ZNF385B: variants seen among roughly 807,000 people sequenced by gnomAD.
ZNF385B encodes zinc finger protein 385B.
In ZNF385B, 23 loss-of-function variants were observed where a neutral mutation model predicts 39.2. The observed-to-expected ratio is 0.59, with a 90% CI of 0.42 to 0.83. The LOEUF (loss-of-function observed/expected upper bound fraction) is 0.83, where lower values mean the gene tolerates loss of function less well. Among genes scored for constraint, ZNF385B ranks in the 40% least tolerant of loss-of-function variants. The probability of loss-of-function intolerance (pLI) is 0.00; values close to 1 mark genes in which losing one functional copy is unlikely to be tolerated. For missense variants in ZNF385B, 552 were observed against 598.9 expected, an observed-to-expected ratio of 0.92 and a Z score of 0.82; for synonymous variants, 205 against 222.6, an observed-to-expected ratio of 0.92 and a Z score of 0.70.
intron 3 of ZNF385B, among the ~76,000 whole-genome samples, chr2:179,600,252 T>C (rs1168050525): frequency 6.6e-6 from 1 of 152,208 alleles, no homozygotes; most frequent in Non-Finnish European, 1.5e-5. Flanking sequence ...ATAATCTGAA[T>C]TGCAACAATG....
chr2:179,760,939 GTTTA>G (rs57944209), intron 3 of ZNF385B, among the ~76,000 whole-genome samples: 16,645 of 152,136 alleles, frequency 0.11, 1,526 homozygotes, highest in East Asian at 0.48. Context: ...TTAGGCCTAA[GTTTA>G]TTTGTTTTGT....
At chr2:179,822,196 T>C (rs1212286606) in intron 1 of ZNF385B, among the ~76,000 whole-genome samples, 1 of 152,232 alleles carries the variant, frequency 6.6e-6, no homozygotes, top group Non-Finnish European at 1.5e-5. Flanking sequence ...TTTGTCCTTC[T>C]TTTTCTTAGC....
In ZNF385B at chr2:179,663,278, A is replaced by G. The variant is rs142777200; in HGVS notation, c.298+106225T>C. Among the ~76,000 whole-genome samples, 815 of 152,256 alleles carry G rather than the reference A, an allele frequency of 5.4e-3. 5 individuals carry two copies. Among genetic ancestry groups the G allele is most frequent in the African/African-American group, 0.019 (773 of 41,540 alleles). Reference sequence around the variant, plus strand: ...TTGCTTAACTGAATTTTAATTCTTCATTTATGTTTAGTGTATTATCAGTCA... The same window carrying G: ...TTGCTTAACTGAATTTTAATTCTTCGTTTATGTTTAGTGTATTATCAGTCA... On this transcript the variant is annotated intron_variant, in intron 3 of 9. Coordinates refer to ENST00000410066, the MANE Select transcript of ZNF385B (RefSeq NM_152520.6).
At chr2:179,511,748 C>T (rs1321042030) in intron 5 of ZNF385B, among the ~76,000 whole-genome samples, 2 of 152,086 alleles carry the variant, frequency 1.3e-5, no homozygotes, top group African/African-American at 4.8e-5. Context: ...CTTAATCATT[C>T]TAATGTAAAT....
chr2:179,799,567 CGTA>C (rs1397735453), intron 1 of ZNF385B, among the ~76,000 whole-genome samples: 1 of 151,934 alleles, frequency 6.6e-6, no homozygotes, highest in Non-Finnish European at 1.5e-5. Context: ...TGGAAAAACT[CGTA>C]GTCAGAAGAA....
intron 3 of ZNF385B, among the ~76,000 whole-genome samples, chr2:179,761,756 C>CT (rs1420842226): frequency 0.03 from 3,307 of 108,598 alleles, 41 homozygotes; most frequent in Non-Finnish European, 0.046. Flanking sequence ...CATTTTTTTT[C>CT]TTTTCTTTTT....
intron 3 of ZNF385B, among the ~76,000 whole-genome samples, chr2:179,621,158 A>C (rs1690178570): frequency 2.0e-5 from 3 of 152,180 alleles, no homozygotes; most frequent in South Asian, 4.1e-4. Flanking sequence ...GTAGAAAAAA[A>C]GGGGAGGGGG....
chr2:179,760,277 G>C (rs915260481), intron 3 of ZNF385B, among the ~76,000 whole-genome samples: 1 of 150,444 alleles, frequency 6.6e-6, no homozygotes, highest in Non-Finnish European at 1.5e-5. Context: ...GTAGATTCAT[G>C]TATCCCCCAC....
intron 3 of ZNF385B, among the ~76,000 whole-genome samples, chr2:179,648,188 A>G (rs1490598556): frequency 1.3e-5 from 2 of 152,114 alleles, no homozygotes; most frequent in African/African-American, 4.8e-5. Flanking sequence ...ACATGGGGGT[A>G]GAAGAGTAGG....
intron 3 of ZNF385B, among the ~76,000 whole-genome samples, chr2:179,601,924 C>T (rs562666350): frequency 1.1e-4 from 17 of 152,210 alleles, no homozygotes; most frequent in African/African-American, 3.6e-4. Context: ...CTATGACAAG[C>T]TCTCAGAGTC....
At chr2:179,609,496 GTTCCAAA>G (rs936504210) in intron 3 of ZNF385B, among the ~76,000 whole-genome samples, 3 of 152,120 alleles carry the variant, frequency 2.0e-5, no homozygotes, top group Non-Finnish European at 4.4e-5. Flanking sequence ...ACTTAGGTTG[GTTCCAAA>G]TCTTGGCTAT....
chr2:179,468,927 A>G (rs1336781581), intron 6 of ZNF385B, among the ~76,000 whole-genome samples: 4 of 152,232 alleles, frequency 2.6e-5, no homozygotes, highest in Non-Finnish European at 4.4e-5. Context: ...CTGCCCAGGC[A>G]TAAGAAAGAT....
chr2:179,677,464 G>C (rs914186021), intron 3 of ZNF385B, among the ~76,000 whole-genome samples: 4 of 152,192 alleles, frequency 2.6e-5, no homozygotes, highest in African/African-American at 9.7e-5. Flanking sequence ...TATTCATAAG[G>C]AATATATCTT....
chr2:179,559,863 T>C (rs1241381991), intron 3 of ZNF385B, among the ~76,000 whole-genome samples: 2 of 152,098 alleles, frequency 1.3e-5, no homozygotes, highest in African/African-American at 4.8e-5. Context: ...TCTCTAGATA[T>C]AGTCATCCTA....
At chr2:179,450,207 C>T (rs1462134095) in intron 6 of ZNF385B, among the ~76,000 whole-genome samples, 1 of 151,914 alleles carries the variant, frequency 6.6e-6, no homozygotes, top group Non-Finnish European at 1.5e-5. Flanking sequence ...GACTTCATGT[C>T]TAAAACACCA....
intron 3 of ZNF385B, among the ~76,000 whole-genome samples, chr2:179,679,831 TTA>T (rs1430051102): frequency 1.3e-5 from 2 of 152,120 alleles, no homozygotes; most frequent in Non-Finnish European, 2.9e-5. Flanking sequence ...AACTGACTGT[TTA>T]TGTTTCTTAT....
chr2:179,737,205 AAC>A (rs1337301788), intron 3 of ZNF385B, among the ~76,000 whole-genome samples: 23 of 152,318 alleles, frequency 1.5e-4, no homozygotes, highest in African/African-American at 5.5e-4. Flanking sequence ...GTCTAGGTTT[AAC>A]TTCCAGTTAT....
intron 6 of ZNF385B, among the ~76,000 whole-genome samples, chr2:179,481,895 A>C: frequency 6.6e-6 from 1 of 152,300 alleles, no homozygotes; most frequent in African/African-American, 2.4e-5. Context: ...AATAGAGATA[A>C]TATTTGATAT....
At chr2:179,741,882 A>T (rs1702108926) in intron 3 of ZNF385B, among the ~76,000 whole-genome samples, 1 of 152,026 alleles carries the variant, frequency 6.6e-6, no homozygotes, top group Non-Finnish European at 1.5e-5. Context: ...TAAGTCCTAA[A>T]ATCAAAAGGG....
Sources: gnomAD v4.1 joint callset for allele counts (sites outside exome capture counted in the v4.1 genomes callset) on GRCh38, gnomAD v4.1.1 for gene constraint, MANE v1.5 for transcripts, NCBI Gene and HGNC (gene_info 2026-07-23, HGNC 2026-07-21) for gene names.